CDHR5: variants seen among roughly 807,000 people sequenced by gnomAD.
CDHR5 encodes cadherin related family member 5, also known as cadherin-related family member 5.
CDHR5 carries 82 observed loss-of-function variants against 69.5 expected under a neutral mutation model. That is an observed-to-expected ratio of 1.18 (90% CI 0.99 to 1.42). The LOEUF (loss-of-function observed/expected upper bound fraction) is 1.42. Ranked by LOEUF, CDHR5 falls within the 40% of genes most tolerant of loss-of-function variation. CDHR5 has a pLI of 0.00. For missense variants in CDHR5, 1,293 were observed against 1,168.9 expected, an observed-to-expected ratio of 1.11 and a Z score of -1.55; for synonymous variants, 601 against 510.2, an observed-to-expected ratio of 1.18 and a Z score of -2.40.
At position 618,707 on chromosome 11, in the gene CDHR5, C is replaced by T; in HGVS notation, c.1852G>A (p.Gly618Arg). ...GTSQPMPPGM[G>R]TSTSHQPTTP... ...GTTGGTTGGTGGGAGGTGCTGGTTC[C>T]CATACCGGGGGGCATCGGCTGAGAG... The change falls in exon 13 of 15, where the codon GGA becomes AGA. Residue 618 changes from glycine (G) to arginine (R), a missense_variant. Coordinates refer to ENST00000397542, the MANE Select transcript of CDHR5 (RefSeq NM_021924.5). 1.9e-6 allele frequency: 3 copies of T among 1,582,838 alleles called. No individual in the cohort carries two copies. The highest frequency in any genetic ancestry group is 1.1e-5 in the South Asian group (1 of 89,004).
At chr11:623,463 A>C (rs1434705596) in intron 3 of CDHR5, among the ~76,000 whole-genome samples, 14 of 152,232 alleles carry the variant, frequency 9.2e-5, no homozygotes, top group Non-Finnish European at 5.9e-5. Flanking sequence ...AAGCCGAAAA[A>C]AATGCCGCCG....
In CDHR5 at chr11:617,522, C is replaced by T; in HGVS notation, c.2367G>A (p.Lys789=). 1 of 1,612,642 alleles carries T rather than the reference C, an allele frequency of 6.2e-7. No individual in the cohort carries two copies. ...TKERRPEGGY[K]AVWFGEDIGT... ...CGATGTCCTCGCCAAACCAGACAGC[C>T]TTGTACCCGCCCTCCGGCCGCCGCT... The change falls in exon 15 of 15, where the codon AAG becomes AAA. Residue 789 remains lysine (K), a synonymous_variant. Transcript: ENST00000397542.
At chr11:618,452 C>G in intron 13 of CDHR5, 147 bp downstream of exon 13, 1 of 978,366 alleles carries the variant, frequency 1.0e-6, no homozygotes, top group Non-Finnish European at 1.5e-6. Flanking sequence ...GGGCCTTGGG[C>G]CTGTCTGTGT....
chr11:616,938 C>T lies in CDHR5; in HGVS notation c.*413G>A. On this transcript the variant is annotated 3_prime_UTR_variant, in exon 15 of 15. Coordinates refer to ENST00000397542, the MANE Select transcript of CDHR5 (RefSeq NM_021924.5). ...CGGCTCCTCAGCCTCCCCAGGCAAT[C>T]TCTGTGTAGGGTCGGGAGCGGGAGG... 1 of 209,990 alleles carries T rather than the reference C, an allele frequency of 4.8e-6. No individual in the cohort carries two copies. Among genetic ancestry groups the T allele is most frequent in the East Asian group, 1.2e-4 (1 of 8,264 alleles). The allele number at this position is 209,990 out of a possible 1,614,324, so 13.0% of individuals were successfully genotyped here.
chr11:624,760 G>A lies in CDHR5; in HGVS notation c.86-28C>T. The A allele has an allele frequency of 2.5e-6, 4 of 1,602,958 alleles. No individual in the cohort carries two copies. The highest frequency in any genetic ancestry group is 3.4e-6 in the Non-Finnish European group (4 of 1,172,908). The stretch of plus-strand genomic sequence containing the variant: ...GTAAGGTTGCAGAGGAGGGATCAGT[G>A]CCTCCCAGCCCCTGGCTCCCCGCCG... On this transcript the variant is annotated intron_variant, in intron 1 of 14. Coordinates refer to ENST00000397542, the MANE Select transcript of CDHR5 (RefSeq NM_021924.5). The surrounding 1 kb of genome is among the most constrained non-coding windows in gnomAD (Gnocchi z 5.3).
Position 616,966 on chromosome 11 carries a change from T to A in CDHR5, c.*385A>T. On this transcript the variant is annotated 3_prime_UTR_variant, in exon 15 of 15. Coordinates refer to ENST00000397542, the MANE Select transcript of CDHR5 (RefSeq NM_021924.5). ...TGTGTAGGGTCGGGAGCGGGAGGTC[T>A]GAGATGAGCCGGGTGCCTGAGATCT... 1 of 248,068 alleles carries A rather than the reference T, an allele frequency of 4.0e-6. No individual in the cohort carries two copies. The highest frequency in any genetic ancestry group is 7.9e-6 in the Non-Finnish European group (1 of 127,030). The allele number at this position is 248,068 out of a possible 1,614,324, so 15.4% of individuals were successfully genotyped here. A position where few individuals can be genotyped will look rare whatever the true frequency, so the allele number is the denominator to read the frequency against.
rs527532878 is a variant in CDHR5 at position 623,199 on chromosome 11, C to T, written c.312+1014G>A. 2.0e-4 allele frequency among the ~76,000 whole-genome samples: 30 copies of T among 152,220 alleles called. No individual in the cohort carries two copies. The South Asian group carries it at 6.2e-3, about 32-fold the overall frequency. On this transcript the variant is annotated intron_variant, in intron 3 of 14. Coordinates refer to ENST00000397542, the MANE Select transcript of CDHR5 (RefSeq NM_021924.5). ...TGGCGCATGCTTGTAATCCCAGCTA[C>T]TCAAGAGGCTGAGGCAGGAGAATCG...
At chr11:619,640 T>G (rs376616559) in intron 10 of CDHR5, 41 bp downstream of exon 10, 2 of 1,609,314 alleles carry the variant, frequency 1.2e-6, no homozygotes, top group Non-Finnish European at 1.7e-6. Context: ...CGTACAGCCC[T>G]GACCCACCCA....
Position 617,222 on chromosome 11 carries a change from G to A in CDHR5, c.*129C>T. The A allele has an allele frequency of 4.3e-6, 3 of 696,732 alleles. No individual in the cohort carries two copies. Among genetic ancestry groups the A allele is most frequent in the Non-Finnish European group, 4.9e-6 (2 of 408,438 alleles). 43.2% of individuals were successfully genotyped at this position (696,732 alleles called of 1,614,324 possible). On this transcript the variant is annotated 3_prime_UTR_variant, in exon 15 of 15. Transcript: ENST00000397542. ...GGGACTGAGTGAATGGGACCCCCAT[G>A]GACCCGCGCGCCTGCCCCACGCCAT... is the stretch of plus-strand genomic sequence containing the variant.
At position 619,521 on chromosome 11, in the gene CDHR5, C is replaced by T. The variant is rs1320029759; in HGVS notation, c.1246G>A (p.Val416Met). The T allele has an allele frequency of 1.2e-6, 2 of 1,613,996 alleles. No individual in the cohort carries two copies. The highest frequency in any genetic ancestry group is 1.3e-5 in the African/African-American group (1 of 75,000). The change falls in exon 11 of 15, where the codon GTG (valine) becomes ATG (methionine). Residue 416 changes from valine to methionine, a missense_variant. Val to Met is a conservative substitution (Grantham distance 21). Coordinates refer to ENST00000397542, the MANE Select transcript of CDHR5 (RefSeq NM_021924.5). The stretch of plus-strand genomic sequence containing the variant: ...TGTGCCAGTGTGGTGGTGGTCAGCA[C>T]AACCTCTCCCTCCATCCGGAAGTGT... Reference protein sequence around the residue: ...HSHFRMEGEVVLTTTTLAQAG... With the variant: ...HSHFRMEGEVMLTTTTLAQAG...
chr11:618,754 G>A lies in CDHR5; in HGVS notation c.1805C>T (p.Ala602Val). The A allele has an allele frequency of 1.2e-6, 2 of 1,606,790 alleles. No individual in the cohort carries two copies. Among genetic ancestry groups the A allele is most frequent in the Non-Finnish European group, 1.7e-6 (2 of 1,178,386 alleles). Residue 602 changes from alanine (A) to valine (V), a missense_variant, in exon 13 of 15, where the codon GCA (alanine) becomes GTA (valine). By Grantham distance (64) the Ala-to-Val change is moderately conservative (BLOSUM62 0). Coordinates refer to ENST00000397542, the MANE Select transcript of CDHR5 (RefSeq NM_021924.5). ...HQPATPGGGTAQTPEAGTSQP... is the reference protein window; with the variant it reads ...HQPATPGGGTVQTPEAGTSQP... ...AGAGGTTCCTGCCTCTGGGGTCTGT[G>A]CTGTGCCCCCACCGGGTGTGGCTGG...
chr11:624,587 C>A lies in CDHR5; in HGVS notation c.231G>T (p.Gln77His). ...AATCAGGAGTCACGTTGAGAAACAG[C>A]TGGTTTCCCTGGATCCGAAATGCAA... ...TPFAFRIQGN[Q>H]LFLNVTPDYE... The change falls in exon 2 of 15, where the codon CAG becomes CAT. Residue 77 changes from glutamine to histidine, a missense_variant. Transcript: ENST00000397542. This position sits in a 1 kb window ranked among gnomAD's most constrained non-coding sequence, Gnocchi z 5.3. 1 of 1,608,838 alleles carries A rather than the reference C, an allele frequency of 6.2e-7. No individual in the cohort carries two copies. Among genetic ancestry groups the A allele is most frequent in the South Asian group, 1.1e-5 (1 of 90,802 alleles).
chr11:623,957 C>A (rs1445459681), intron 3 of CDHR5, among the ~76,000 whole-genome samples: 1 of 152,016 alleles, frequency 6.6e-6, no homozygotes, highest in Non-Finnish European at 1.5e-5. Flanking sequence ...AAAGGTGCCT[C>A]CCTTGTGGAT....
chr11:617,597 C>T lies in CDHR5; in HGVS notation c.2292G>A (p.Ala764=), dbSNP rs757975661. ...CCGTGGGGCTTCCGCCAGCTCGGGC[C>T]GCTGCGGGGGGCTCAGGGGCACCGC... ...SPGGAPEPPA[A]ARAGGSPTAV... is the part of the protein sequence containing the mutation. The change falls in exon 15 of 15, where the codon GCG becomes GCA. Residue 764 remains alanine (A), a synonymous_variant. Coordinates refer to ENST00000397542, the MANE Select transcript of CDHR5 (RefSeq NM_021924.5). 8 of 1,607,490 alleles carry T rather than the reference C, an allele frequency of 5.0e-6. No individual in the cohort carries two copies. The highest frequency in any genetic ancestry group is 2.2e-5 in the East Asian group (1 of 44,682).
Position 624,302 on chromosome 11 carries a change from C to T in CDHR5, c.262-39G>A. ...CAGGTCTGCAGTCACCGTCCTGCCC[C>T]ACAGGTGGGGAGACTGAGGCCAAGT... On this transcript the variant is annotated intron_variant, in intron 2 of 14. Coordinates refer to ENST00000397542, the MANE Select transcript of CDHR5 (RefSeq NM_021924.5). This position sits in a 1 kb window ranked among gnomAD's most constrained non-coding sequence, Gnocchi z 5.3. The T allele has an allele frequency of 2.7e-6, 2 of 746,492 alleles. No individual in the cohort carries two copies. Among genetic ancestry groups the T allele is most frequent in the East Asian group, 5.1e-5 (2 of 39,590 alleles). The allele number at this position is 746,492 out of a possible 1,614,324, so 46.2% of individuals were successfully genotyped here. A position where few individuals can be genotyped will look rare whatever the true frequency, so the allele number is the denominator to read the frequency against.
chr11:624,092 CG>C lies in CDHR5; in HGVS notation c.312+120del, dbSNP rs556866295. On this transcript the variant is annotated intron_variant, in intron 3 of 14. Transcript: ENST00000397542. The surrounding 1 kb of genome is among the most constrained non-coding windows in gnomAD (Gnocchi z 5.3). ...CTGGAGGAAATGTGGGCATCACCCT[CG>C]GGGGGGTGGAATTTGAAACCACACC... The C allele has an allele frequency of 4.2e-5, 27 of 649,064 alleles. No individual in the cohort carries two copies. The highest frequency in any genetic ancestry group is 5.4e-5 in the African/African-American group (3 of 55,814). The allele number at this position is 649,064 out of a possible 1,614,324, so 40.2% of individuals were successfully genotyped here.
rs200928568 is a variant in CDHR5, at chr11:618,143, C to T, written c.1961-32G>A. The T allele has an allele frequency of 8.5e-4, 1,340 of 1,577,032 alleles. 2 individuals are homozygous for T. Among genetic ancestry groups the T allele is most frequent in the Non-Finnish European group, 1.1e-3 (1,249 of 1,157,018 alleles). ...TCGCAGTGGAAAACGTCATCATCCC[C>T]GCACTGTTGAGTGCCCCAGGCATTT... On this transcript the variant is annotated intron_variant, in intron 13 of 14. Coordinates refer to ENST00000397542, the MANE Select transcript of CDHR5 (RefSeq NM_021924.5).
chr11:617,265 C>G lies in CDHR5; in HGVS notation c.*86G>C. The stretch of plus-strand genomic sequence containing the variant: ...CACGCCATGGCCTGGGTTTCGGGAG[C>G]CTTGCTTTATTCTGCCTCGGGTCGG... On this transcript the variant is annotated 3_prime_UTR_variant, in exon 15 of 15. Coordinates refer to ENST00000397542, the MANE Select transcript of CDHR5 (RefSeq NM_021924.5). The G allele has an allele frequency of 6.2e-6, 7 of 1,137,248 alleles. No individual in the cohort carries two copies. The highest frequency in any genetic ancestry group is 8.8e-6 in the Non-Finnish European group (7 of 796,576). 70.4% of individuals were successfully genotyped at this position (1,137,248 alleles called of 1,614,324 possible).
Position 617,276 on chromosome 11 carries a change from T to G in CDHR5, c.*75A>C. ...CTGGGTTTCGGGAGCCTTGCTTTAT[T>G]CTGCCTCGGGTCGGAGGCTGGGGGA... On this transcript the variant is annotated 3_prime_UTR_variant, in exon 15 of 15. Coordinates refer to ENST00000397542, the MANE Select transcript of CDHR5 (RefSeq NM_021924.5). The G allele has an allele frequency of 5.7e-6, 7 of 1,235,706 alleles. No homozygotes were observed. The highest frequency in any genetic ancestry group is 8.0e-6 in the Non-Finnish European group (7 of 879,782). 76.5% of individuals were successfully genotyped at this position (1,235,706 alleles called of 1,614,324 possible).
Sources: allele counts gnomAD v4.1 joint callset (sites outside exome capture counted in the v4.1 genomes callset), GRCh38; gene constraint gnomAD v4.1.1; non-coding constraint Gnocchi (gnomAD v3.1); transcripts MANE v1.5; gene names NCBI Gene and HGNC (gene_info 2026-07-23, HGNC 2026-07-21).